The following GPATCH3 variants were observed in gnomAD, a reference collection of about 807,000 sequenced individuals.
GPATCH3 encodes G patch domain-containing protein 3.
Under a neutral mutation model 53.2 loss-of-function variants are expected in GPATCH3, and 45 were observed. That is an observed-to-expected ratio of 0.85 (90% CI 0.67 to 1.08). The LOEUF is 1.08. Among genes scored for constraint, GPATCH3 ranks in the 50% least tolerant of loss-of-function variants. The pLI is 0.00. For missense variants in GPATCH3, 680 were observed against 687.2 expected (o/e 0.99, Z 0.12); for synonymous variants, 280 against 270.6 (o/e 1.03, Z -0.34).
At position 26,892,767 on chromosome 1, in the gene GPATCH3, T is replaced by C; in HGVS notation, c.1136A>G (p.Asp379Gly). The change falls in exon 5 of 7, where the codon GAC becomes GGC. Residue 379 changes from aspartate to glycine, a missense_variant. Transcript: ENST00000361720. ...DRDGGDKDARDSVQMRLEQRL... is the reference protein window; with the variant it reads ...DRDGGDKDARGSVQMRLEQRL... ...CTGTTCCAGACGCATTTGGACAGAG[T>C]CTCGGGCATCCTTGTCTCCACCATC... 6.2e-7 allele frequency: 1 copy of C among 1,614,054 alleles called. No homozygotes were observed. Among genetic ancestry groups the C allele is most frequent in the South Asian group, 1.1e-5 (1 of 91,084 alleles).
Position 26,899,649 on chromosome 1 carries a change from C to T in GPATCH3, c.451+343G>A, listed in dbSNP as rs111633652. 1.4e-3 allele frequency among the ~76,000 whole-genome samples: 213 copies of T among 152,194 alleles called. 4 individuals carry two copies. The highest frequency in any genetic ancestry group is 3.2e-3 in the Middle Eastern group (1 of 316). On this transcript the variant is annotated intron_variant, in intron 1 of 6. Coordinates refer to ENST00000361720, the MANE Select transcript of GPATCH3 (RefSeq NM_022078.3). ...CTTCATTTGTATCTTACTGAAAGGA[C>T]TGGGTAGGAAGCACAGAGAGAGCAG...
At position 26,897,394 on chromosome 1, in the gene GPATCH3, T is replaced by G; in HGVS notation, c.783A>C (p.Gln261His). The change falls in exon 2 of 7, where the codon CAA (glutamine) becomes CAC (histidine). Residue 261 changes from glutamine to histidine, a missense_variant. By Grantham distance (24) the Gln-to-His change is conservative (BLOSUM62 0). Coordinates refer to ENST00000361720, the MANE Select transcript of GPATCH3 (RefSeq NM_022078.3). ...VYTAEGEEIP[Q>H]GTYLADIPAS... Reference sequence around the variant, plus strand: ...CTGGTATATCTGCCAGGTAGGTTCCTTGGGGTATTTCTTCACCCTCTGCTG... The same window carrying G: ...CTGGTATATCTGCCAGGTAGGTTCCGTGGGGTATTTCTTCACCCTCTGCTG... 1 of 1,614,198 alleles carries G rather than the reference T, an allele frequency of 6.2e-7. No homozygotes were observed. Among genetic ancestry groups the G allele is most frequent in the Non-Finnish European group, 8.5e-7 (1 of 1,180,040 alleles).
rs752480201 is a variant in GPATCH3 at position 26,892,478 on chromosome 1, T to A, written c.1294A>T (p.Arg432Trp). 2 of 1,613,936 alleles carry A rather than the reference T, an allele frequency of 1.2e-6. No homozygotes were observed. The highest frequency in any genetic ancestry group is 2.7e-5 in the African/African-American group (2 of 74,936). Residue 432 changes from arginine to tryptophan, a missense_variant, in exon 6 of 7, where the codon AGG becomes TGG. Physicochemically the swap from Arg to Trp is moderately radical, Grantham distance 101. Coordinates refer to ENST00000361720, the MANE Select transcript of GPATCH3 (RefSeq NM_022078.3). The part of the protein sequence containing the change: ...GWAEGQGLGC[R>W]CSGVPEALDS... ...AGGGCCTCAGGCACCCCTGAGCACC[T>A]GCAGCCCAGGCCCTGGCCCTCAGCC...
intron 6 of GPATCH3, among the ~76,000 whole-genome samples, chr1:26,892,181 C>T (rs982972037): frequency 3.9e-5 from 6 of 152,028 alleles, no homozygotes; most frequent in Admixed American, 2.6e-4. Context: ...ATATGTTGCC[C>T]GGCTGGTTTC....
At chr1:26,899,058 C>T (rs1446358243) in intron 1 of GPATCH3, among the ~76,000 whole-genome samples, 1 of 152,302 alleles carries the variant, frequency 6.6e-6, no homozygotes, top group East Asian at 1.9e-4. Flanking sequence ...CCCAGAAACA[C>T]CATTCTCTCC....
intron 6 of GPATCH3, 63 bp from the exon 7 acceptor site, chr1:26,891,289 G>A: frequency 7.6e-7 from 1 of 1,307,692 alleles, no homozygotes; most frequent in South Asian, 1.2e-5. Context: ...GGGGTTGGGA[G>A]AGGACGGGGA....
Position 26,891,180 on chromosome 1 carries a change from G to A in GPATCH3, c.1408C>T (p.Arg470Cys). The A allele has an allele frequency of 3.7e-6, 6 of 1,613,944 alleles. No individual in the cohort carries two copies. The highest frequency in any genetic ancestry group is 5.1e-6 in the Non-Finnish European group (6 of 1,179,970). ...LQPFGQLKRP[R>C]RNGLGLISTI... ...GAGATGAGCCCCAAGCCATTTCTAC[G>A]GGGCCTCTTCAGTTGCCCAAATGGC... is the stretch of plus-strand genomic sequence containing the variant. Residue 470 changes from arginine to cysteine, a missense_variant, in exon 7 of 7, where the codon CGT becomes TGT. Physicochemically the swap from Arg to Cys is radical, Grantham distance 180. Transcript: ENST00000361720.
Position 26,892,479 on chromosome 1 carries a change from G to A in GPATCH3, c.1293C>T (p.Cys431=). ...GGGCCTCAGGCACCCCTGAGCACCT[G>A]CAGCCCAGGCCCTGGCCCTCAGCCC... ...QGWAEGQGLG[C]RCSGVPEALD... The change falls in exon 6 of 7, where the codon TGC becomes TGT. Residue 431 remains cysteine (C), a synonymous_variant. Transcript: ENST00000361720. The A allele has an allele frequency of 6.2e-7, 1 of 1,614,032 alleles. No individual in the cohort carries two copies. Among genetic ancestry groups the A allele is most frequent in the Non-Finnish European group, 8.5e-7 (1 of 1,179,936 alleles).
At chr1:26,898,410 C>T (rs949367627) in intron 1 of GPATCH3, among the ~76,000 whole-genome samples, 2 of 152,030 alleles carry the variant, frequency 1.3e-5, no homozygotes, top group East Asian at 1.9e-4. Flanking sequence ...CTCCGCCTCC[C>T]GGGTTCAAGT....
At chr1:26,897,031 A>G (rs1216431918) in intron 2 of GPATCH3, among the ~76,000 whole-genome samples, 2 of 152,154 alleles carry the variant, frequency 1.3e-5, no homozygotes, top group African/African-American at 4.8e-5. Context: ...CAAAAAAAAA[A>G]AAAAAGGAAC....
Position 26,892,771 on chromosome 1 carries a change from G to A in GPATCH3, c.1132C>T (p.Arg378Ter), listed in dbSNP as rs560129096. ...TCCAGACGCATTTGGACAGAGTCTC[G>A]GGCATCCTTGTCTCCACCATCTGAG... ...YDRDGGDKDARDSVQMRLEQR... is the reference protein window; with the variant it reads ...YDRDGGDKDA Residue 378 changes from arginine to a stop codon, truncating the protein, a stop_gained, in exon 5 of 7, where the codon CGA (arginine) becomes TGA (stop). Coordinates refer to ENST00000361720, the MANE Select transcript of GPATCH3 (RefSeq NM_022078.3). LOFTEE classifies it high-confidence loss of function. 8.7e-6 allele frequency: 14 copies of A among 1,614,018 alleles called. No homozygotes were observed. Among genetic ancestry groups the A allele is most frequent in the South Asian group, 3.3e-5 (3 of 91,074 alleles).
At position 26,892,396 on chromosome 1, in the gene GPATCH3, C is replaced by G. The variant is rs756761669; in HGVS notation, c.1361+15G>C. ...AAGGCTTGGGCCCCCAGGGAAGTCCCTCAGTCACACTTACCCCAATCCACG... is the reference window on the plus strand; with the variant it reads ...AAGGCTTGGGCCCCCAGGGAAGTCCGTCAGTCACACTTACCCCAATCCACG... On this transcript the variant is annotated intron_variant, in intron 6 of 6. Coordinates refer to ENST00000361720, the MANE Select transcript of GPATCH3 (RefSeq NM_022078.3). 1 of 1,605,246 alleles carries G rather than the reference C, an allele frequency of 6.2e-7. No individual in the cohort carries two copies. The highest frequency in any genetic ancestry group is 1.7e-5 in the Admixed American group (1 of 59,870).
chr1:26,896,540 A>AAAT (rs1001223568), intron 2 of GPATCH3, among the ~76,000 whole-genome samples: 1 of 148,256 alleles, frequency 6.7e-6, no homozygotes, highest in African/African-American at 2.5e-5. Flanking sequence ...AAATAAAAAA[A>AAAT]AAAAAAAAAA....
intron 2 of GPATCH3, among the ~76,000 whole-genome samples, chr1:26,896,351 C>A (rs1042747796): frequency 6.6e-6 from 1 of 151,372 alleles, no homozygotes; most frequent in Non-Finnish European, 1.5e-5. Flanking sequence ...CAACCTCCGC[C>A]TCCTGGGTTC....
Position 26,897,600 on chromosome 1 carries a change from C to T in GPATCH3, c.577G>A (p.Gly193Arg), listed in dbSNP as rs1457394758. 6.2e-7 allele frequency: 1 copy of T among 1,614,094 alleles called. No homozygotes were observed. Among genetic ancestry groups the T allele is most frequent in the African/African-American group, 1.3e-5 (1 of 74,930 alleles). Residue 193 changes from glycine to arginine, a missense_variant, in exon 2 of 7, where the codon GGG becomes AGG. Gly to Arg is a moderately radical substitution (Grantham distance 125, BLOSUM62 -2). Transcript: ENST00000361720. Reference sequence around the variant, plus strand: ...ACCCGCAGGGGAGTCCCCACATTCCCTCTGGGCATCAGCACTGGTGGGTTC... The same window carrying T: ...ACCCGCAGGGGAGTCCCCACATTCCTTCTGGGCATCAGCACTGGTGGGTTC... Reference protein sequence around the residue: ...ELNPPVLMPRGNVGTPLRVFL... With the variant: ...ELNPPVLMPRRNVGTPLRVFL...
At chr1:26,891,943 G>C (rs181701894) in intron 6 of GPATCH3, among the ~76,000 whole-genome samples, 8 of 152,080 alleles carry the variant, frequency 5.3e-5, no homozygotes, top group African/African-American at 1.9e-4. Context: ...TCCTGACCTC[G>C]TGATCCACCC....
chr1:26,898,743 T>C lies in GPATCH3; in HGVS notation c.452-1018A>G, dbSNP rs144488976. On this transcript the variant is annotated intron_variant, in intron 1 of 6. Transcript: ENST00000361720. ...GTACAGTGGCGCGATCTTGACTCAT[T>C]GCAACCTCCACCTCCTGGGCTCAAG... Among the ~76,000 whole-genome samples the C allele has an allele frequency of 1.4e-4, 21 of 151,610 alleles. No homozygotes were observed. The East Asian group carries it at 2.5e-3, about 18-fold the overall frequency.
chr1:26,900,457 T>C lies in GPATCH3; in HGVS notation c.-15A>G. The C allele has an allele frequency of 6.2e-7, 1 of 1,602,574 alleles. No homozygotes were observed. Among genetic ancestry groups the C allele is most frequent in the Middle Eastern group, 2.0e-4 (1 of 4,986 alleles). ...GGCACCGCCATCTTGGATTGTCACA[T>C]GATCAGCTAGAACCAAGTCTCGCGA... is the stretch of plus-strand genomic sequence containing the variant. On this transcript the variant is annotated 5_prime_UTR_variant, in exon 1 of 7. It removes an upstream start codon present in the reference 5' UTR. Coordinates refer to ENST00000361720, the MANE Select transcript of GPATCH3 (RefSeq NM_022078.3).
intron 2 of GPATCH3, among the ~76,000 whole-genome samples, chr1:26,895,643 CTTT>C (rs201034541): frequency 7.1e-6 from 1 of 140,582 alleles, no homozygotes; most frequent in Non-Finnish European, 1.6e-5. Flanking sequence ...TGGCTGGGAG[CTTT>C]TTTTTTTTTG....
Sources: allele counts gnomAD v4.1 joint callset (sites outside exome capture counted in the v4.1 genomes callset), GRCh38; gene constraint gnomAD v4.1.1; transcripts MANE v1.5; gene names NCBI Gene and HGNC (gene_info 2026-07-23, HGNC 2026-07-21).